Variants in SMYD3 observed in about 807,000 individuals in gnomAD.
SMYD3 encodes SET and MYND domain containing 3.
A neutral mutation model predicts 57.7 loss-of-function variants in SMYD3; 36 were observed. The ratio of observed to expected loss-of-function variants is 0.62; its 90% CI spans 0.48 to 0.82. The LOEUF is 0.82. SMYD3 is among the 40% of genes least tolerant of loss of function. SMYD3 has a pLI of 0.00. For missense variants in SMYD3, 515 were observed against 538.8 expected (o/e 0.96, Z 0.44); for synonymous variants, 211 against 195.0 (o/e 1.08, Z -0.68).
intron 5 of SMYD3, among the ~76,000 whole-genome samples, chr1:246,312,375 T>C (rs2065094222): frequency 6.6e-6 from 1 of 151,988 alleles, no homozygotes; most frequent in South Asian, 2.1e-4. Flanking sequence ...TTAGAGGCCA[T>C]TTAGGTGAGA....
At chr1:245,824,487 C>T (rs1291591250) in intron 10 of SMYD3, among the ~76,000 whole-genome samples, 2 of 152,172 alleles carry the variant, frequency 1.3e-5, no homozygotes, top group Admixed American at 6.5e-5. Flanking sequence ...GAGGCCAAGG[C>T]GGGTGGATCA....
intron 1 of SMYD3, among the ~76,000 whole-genome samples, chr1:246,459,004 C>T (rs912681370): frequency 3.9e-5 from 6 of 152,110 alleles, no homozygotes; most frequent in Non-Finnish European, 5.9e-5. Context: ...TGTGTCCCCA[C>T]CCAAATCTCA....
intron 5 of SMYD3, among the ~76,000 whole-genome samples, chr1:246,191,432 C>A (rs753244268): frequency 5.9e-5 from 9 of 152,112 alleles, no homozygotes; most frequent in Non-Finnish European, 1.2e-4. Context: ...GGTTTTGTTT[C>A]TTCAGAAAGA....
At chr1:246,420,306 A>G (rs370323506) in intron 1 of SMYD3, among the ~76,000 whole-genome samples, 1 of 152,244 alleles carries the variant, frequency 6.6e-6, no homozygotes. Context: ...AAGTACAGCA[A>G]AAAGAAAACT....
chr1:245,920,122 G>T (rs181114756), intron 7 of SMYD3, among the ~76,000 whole-genome samples: 28 of 152,138 alleles, frequency 1.8e-4, no homozygotes, highest in Non-Finnish European at 2.6e-4. Flanking sequence ...GACCATCCTG[G>T]CTAACACGGT....
chr1:246,248,557 T>C (rs1401502145), intron 5 of SMYD3, among the ~76,000 whole-genome samples: 1 of 151,880 alleles, frequency 6.6e-6, no homozygotes, highest in Non-Finnish European at 1.5e-5. Flanking sequence ...AATTGTGTTA[T>C]TAGTCAGGCT....
chr1:245,998,492 G>A (rs1890329), intron 5 of SMYD3, among the ~76,000 whole-genome samples: 22,780 of 152,080 alleles, frequency 0.15, 2,208 homozygotes, highest in East Asian at 0.44. Context: ...CCATTAGGAG[G>A]GCTATTACAA....
intron 5 of SMYD3, among the ~76,000 whole-genome samples, chr1:246,250,064 T>C (rs1337180007): frequency 6.6e-6 from 1 of 152,230 alleles, no homozygotes; most frequent in Non-Finnish European, 1.5e-5. Context: ...TCTCTTGATA[T>C]ATACCTGCAA....
At chr1:245,959,449 T>A (rs2057943192) in intron 5 of SMYD3, among the ~76,000 whole-genome samples, 1 of 152,266 alleles carries the variant, frequency 6.6e-6, no homozygotes, top group Admixed American at 6.5e-5. Context: ...GTTCTGGCTC[T>A]GACTTGGTTG....
At chr1:246,412,464 C>T (rs2066991708) in intron 1 of SMYD3, among the ~76,000 whole-genome samples, 1 of 151,644 alleles carries the variant, frequency 6.6e-6, no homozygotes, top group African/African-American at 2.4e-5. Context: ...ATAGTTCAGC[C>T]ATTGAAAAAA....
intron 8 of SMYD3, among the ~76,000 whole-genome samples, chr1:245,891,640 T>A (rs9287196): frequency 6.6e-6 from 1 of 152,236 alleles, no homozygotes; most frequent in Non-Finnish European, 1.5e-5. Flanking sequence ...CGAGTAGTGA[T>A]GAAGGACAGT....
chr1:246,207,858 C>T (rs900398549), intron 5 of SMYD3, among the ~76,000 whole-genome samples: 4 of 149,926 alleles, frequency 2.7e-5, no homozygotes, highest in Non-Finnish European at 5.9e-5. Flanking sequence ...CAAGTTTTCA[C>T]AGGAATCACA....
At chr1:245,977,824 T>G (rs1255549323) in intron 5 of SMYD3, among the ~76,000 whole-genome samples, 1 of 152,230 alleles carries the variant, frequency 6.6e-6, no homozygotes, top group Non-Finnish European at 1.5e-5. Context: ...GTTGGCCCCA[T>G]GCAGGGAACA....
intron 10 of SMYD3, among the ~76,000 whole-genome samples, chr1:245,856,503 T>C (rs2051248182): frequency 6.6e-6 from 1 of 152,316 alleles, no homozygotes; most frequent in South Asian, 2.1e-4. Flanking sequence ...CCAAACATAA[T>C]GGACTGTATT....
chr1:246,292,286 C>G (rs906921600), intron 5 of SMYD3, among the ~76,000 whole-genome samples: 1 of 151,446 alleles, frequency 6.6e-6, no homozygotes, highest in Non-Finnish European at 1.5e-5. Context: ...ACACCAGTAC[C>G]TTAGACTTAC....
chr1:245,897,913 A>G (rs2053932473), intron 8 of SMYD3, among the ~76,000 whole-genome samples: 1 of 151,944 alleles, frequency 6.6e-6, no homozygotes, highest in African/African-American at 2.4e-5. Flanking sequence ...AAAAAAAAGT[A>G]TTGTCAATCA....
intron 10 of SMYD3, among the ~76,000 whole-genome samples, chr1:245,771,593 G>A (rs902107091): frequency 1.3e-5 from 2 of 152,160 alleles, no homozygotes; most frequent in African/African-American, 4.8e-5. Context: ...TAATAGCAGA[G>A]GGAGCAACAG....
chr1:246,439,427 G>A (rs998157135), intron 1 of SMYD3, among the ~76,000 whole-genome samples: 1 of 152,136 alleles, frequency 6.6e-6, no homozygotes, highest in Non-Finnish European at 1.5e-5. Flanking sequence ...TACTTCCCAG[G>A]AGGCCAATGA....
intron 1 of SMYD3, among the ~76,000 whole-genome samples, chr1:246,368,374 G>A (rs2066141507): frequency 6.6e-6 from 1 of 152,084 alleles, no homozygotes; most frequent in Non-Finnish European, 1.5e-5. Flanking sequence ...ACAGTAGGAA[G>A]GAAGTTTCCT....
Sources: gnomAD v4.1 joint callset for allele counts (sites outside exome capture counted in the v4.1 genomes callset) on GRCh38, gnomAD v4.1.1 for gene constraint, MANE v1.5 for transcripts, NCBI Gene and HGNC (gene_info 2026-07-23, HGNC 2026-07-21) for gene names.